The following PROX1 variants were observed in gnomAD, a reference collection of about 807,000 sequenced individuals.
The protein encoded by PROX1 is prospero homeobox protein 1.
A neutral mutation model predicts 58.8 loss-of-function variants in PROX1; 7 were observed. The observed-to-expected ratio is 0.12, with a 90% confidence interval of 0.07 to 0.22. The LOEUF (loss-of-function observed/expected upper bound fraction) is 0.22, where lower values mean the gene tolerates loss of function less well. Ranked by LOEUF, PROX1 falls within the 10% of genes least tolerant of loss-of-function variation. The pLI, the probability that PROX1 is intolerant of heterozygous loss-of-function variation, is 1.00. For synonymous variants in PROX1, 350 were observed against 358.3 expected (o/e 0.98, Z 0.26); for missense variants, 675 against 927.8 (o/e 0.73, Z 3.54).
Position 214,035,931 on chromosome 1 carries a change from A to G in PROX1, c.*97A>G. The G allele has an allele frequency of 1.0e-6, 1 of 996,466 alleles. No individual in the cohort carries two copies. The highest frequency in any genetic ancestry group is 1.4e-6 in the Non-Finnish European group (1 of 709,872). 61.7% of individuals were successfully genotyped at this position (996,466 alleles called of 1,614,324 possible). On this transcript the variant is annotated 3_prime_UTR_variant, in exon 5 of 5. Coordinates refer to ENST00000366958, the MANE Select transcript of PROX1 (RefSeq NM_001270616.2). Reference sequence around the variant, plus strand: ...AGATTTTGATTTCATATATATGTGTATGGGAGGCATGGATATGTTATGAAA... The same window carrying G: ...AGATTTTGATTTCATATATATGTGTGTGGGAGGCATGGATATGTTATGAAA...
chr1:214,031,488 C>T (rs994956072), intron 4 of PROX1, among the ~76,000 whole-genome samples: 2 of 152,252 alleles, frequency 1.3e-5, no homozygotes, highest in African/African-American at 4.8e-5. Flanking sequence ...TCCCCTCCTC[C>T]GCCCGCCCTC....
intron 2 of PROX1, among the ~76,000 whole-genome samples, chr1:214,004,559 C>A (rs565174558): frequency 2.0e-5 from 3 of 152,174 alleles, no homozygotes; most frequent in African/African-American, 7.2e-5. Flanking sequence ...ACTACTCTTC[C>A]CAAGTTTTAG....
rs747478492 is a variant in PROX1, at chr1:214,035,634, T to C, written c.2029-15T>C. 11 of 1,598,364 alleles carry C rather than the reference T, an allele frequency of 6.9e-6. No individual in the cohort carries two copies. The South Asian group carries it at 1.2e-4, about 18-fold the overall frequency. ...TGAAAACTTTATTAATGCCATTGTC[T>C]CCTTGTATCAGCAGGTTCCAGAGAG... On this transcript the variant is annotated splice_polypyrimidine_tract_variant and intron_variant, in intron 4 of 4. Transcript: ENST00000366958.
At chr1:214,020,034 T>C (rs1232380627) in intron 4 of PROX1, among the ~76,000 whole-genome samples, 1 of 152,128 alleles carries the variant, frequency 6.6e-6, no homozygotes, top group South Asian at 2.1e-4. Flanking sequence ...TTCCTACTTT[T>C]TTTCCCCCAA....
At chr1:214,019,372 C>G (rs967235272) in intron 4 of PROX1, among the ~76,000 whole-genome samples, 1 of 152,208 alleles carries the variant, frequency 6.6e-6, no homozygotes, top group Non-Finnish European at 1.5e-5. Flanking sequence ...GCCCTTCTAG[C>G]AGAAGACAGG....
chr1:214,011,325 C>G (rs914161129), intron 3 of PROX1, among the ~76,000 whole-genome samples, 196 bp from the exon 4 acceptor site: 2 of 152,120 alleles, frequency 1.3e-5, no homozygotes, highest in Admixed American at 6.5e-5. Context: ...ATATGATTTC[C>G]ATTACTGACA....
At chr1:214,027,436 G>A (rs1298401520) in intron 4 of PROX1, among the ~76,000 whole-genome samples, 3 of 152,098 alleles carry the variant, frequency 2.0e-5, no homozygotes, top group Non-Finnish European at 4.4e-5. Flanking sequence ...CCAAAGCTCT[G>A]TCTCTCAAGA....
chr1:213,987,099 T>C (rs960279095), upstream of PROX1, among the ~76,000 whole-genome samples: 2 of 152,222 alleles, frequency 1.3e-5, no homozygotes, highest in African/African-American at 4.8e-5. Flanking sequence ...AATCGCCAGA[T>C]GTTTGCAACA....
chr1:213,991,305 G>T (rs1413159601), intron 1 of PROX1, among the ~76,000 whole-genome samples: 2 of 152,118 alleles, frequency 1.3e-5, no homozygotes, highest in Non-Finnish European at 2.9e-5. Flanking sequence ...GGAATAGGTT[G>T]GTTGGCAAAT....
At chr1:214,030,317 C>T (rs528850585) in intron 4 of PROX1, 8 of 151,796 alleles carry the variant, frequency 5.3e-5, no homozygotes, top group East Asian at 3.9e-4. Context: ...ATTTCTCCAT[C>T]GAAGCAAGTT....
At chr1:213,999,233 C>G (rs547290543) in intron 2 of PROX1, among the ~76,000 whole-genome samples, 1 of 151,926 alleles carries the variant, frequency 6.6e-6, no homozygotes, top group South Asian at 2.1e-4. Flanking sequence ...CTCTGTATAT[C>G]GGTTCTTTCT....
At chr1:214,001,079 A>G (rs1446112474) in intron 2 of PROX1, among the ~76,000 whole-genome samples, 2 of 152,186 alleles carry the variant, frequency 1.3e-5, no homozygotes, top group Admixed American at 1.3e-4. Context: ...TTAATTTTTC[A>G]GGAAAAATTA....
intron 4 of PROX1, among the ~76,000 whole-genome samples, chr1:214,014,348 C>G (rs1051446206): frequency 1.3e-5 from 2 of 152,204 alleles, no homozygotes; most frequent in Non-Finnish European, 2.9e-5. Flanking sequence ...AAATGGAGAA[C>G]TGTGCTACAA....
intron 4 of PROX1, among the ~76,000 whole-genome samples, chr1:214,018,616 A>G (rs114349193): frequency 1.3e-5 from 2 of 152,358 alleles, no homozygotes; most frequent in Non-Finnish European, 2.9e-5. Context: ...AAAAACAAAT[A>G]TAATCGTTCT....
At chr1:213,989,376 A>G (rs1322266136) in intron 1 of PROX1, among the ~76,000 whole-genome samples, 3 of 151,624 alleles carry the variant, frequency 2.0e-5, no homozygotes, top group African/African-American at 7.3e-5. Context: ...CACGAGGAGG[A>G]CCGGAGGATC....
At chr1:214,018,772 G>C (rs1159967345) in intron 4 of PROX1, among the ~76,000 whole-genome samples, 2 of 152,152 alleles carry the variant, frequency 1.3e-5, no homozygotes, top group Admixed American at 6.5e-5. Context: ...GGAAGAGACC[G>C]ACAGGATGGC....
At chr1:214,002,217 C>T (rs1459112580) in intron 2 of PROX1, among the ~76,000 whole-genome samples, 1 of 152,130 alleles carries the variant, frequency 6.6e-6, no homozygotes, top group Non-Finnish European at 1.5e-5. Context: ...GCTGCCTCCG[C>T]TGCTCCTCCC....
intron 3 of PROX1, among the ~76,000 whole-genome samples, chr1:214,007,220 AC>A (rs1468719743): frequency 1.2e-4 from 18 of 151,794 alleles, no homozygotes; most frequent in African/African-American, 4.4e-4. Context: ...TGTGTAGATA[AC>A]AATGGAATAC....
chr1:214,034,398 T>C (rs1176567004), intron 4 of PROX1, among the ~76,000 whole-genome samples: 1 of 152,222 alleles, frequency 6.6e-6, no homozygotes, highest in Non-Finnish European at 1.5e-5. Flanking sequence ...TATGGCTACA[T>C]GTACACCTAT....
Sources: gnomAD v4.1 joint callset for allele counts (sites outside exome capture counted in the v4.1 genomes callset) on GRCh38, gnomAD v4.1.1 for gene constraint, MANE v1.5 for transcripts, NCBI Gene and HGNC (gene_info 2026-07-23, HGNC 2026-07-21) for gene names.